Variants in DPP6 observed in about 807,000 individuals in gnomAD.
DPP6 encodes A-type potassium channel modulatory protein DPP6.
DPP6 carries 69 observed loss-of-function variants against 122.6 expected under a neutral mutation model. The observed-to-expected ratio is 0.56, with a 90% CI of 0.46 to 0.69. The LOEUF is 0.69. Ranked by LOEUF, DPP6 falls within the 30% of genes least tolerant of loss-of-function variation. DPP6 has a pLI of 0.00. For missense variants in DPP6, 928 were observed against 1,116.9 expected (o/e 0.83, Z 2.41); for synonymous variants, 418 against 433.1 (o/e 0.97, Z 0.43).
chr7:153,800,105 A>G, the DPP6 span, among the ~76,000 whole-genome samples: 7 of 152,318 alleles, frequency 4.6e-5, no homozygotes, highest in East Asian at 1.2e-3. Flanking sequence ...TGGTATGTCA[A>G]AGAGATATCT....
rs1378712968 is a variant in DPP6, at chr7:154,833,330, G to A, written c.1667-20450G>A. ...GTGTTTAAGAAAGACCATAAGGGCT[G>A]TAGGAAGCCAAGAAAAGGAGTGTTT... On this transcript the variant is annotated intron_variant, in intron 16 of 25. Transcript: ENST00000377770. The surrounding 1 kb of genome is among the most constrained non-coding windows in gnomAD (Gnocchi z 4.3). Among the ~76,000 whole-genome samples, 1 of 152,210 alleles carries A rather than the reference G, an allele frequency of 6.6e-6. No homozygotes were observed. Among genetic ancestry groups the A allele is most frequent in the African/African-American group, 2.4e-5 (1 of 41,470 alleles).
chr7:154,108,999 T>A (rs1234565670), intron 1 of DPP6, among the ~76,000 whole-genome samples: 1 of 152,228 alleles, frequency 6.6e-6, no homozygotes, highest in Admixed American at 6.5e-5. Context: ...TATGCAGGTT[T>A]GTTACATAGA....
intron 1 of DPP6, among the ~76,000 whole-genome samples, chr7:154,359,734 G>C (rs1315393527): frequency 6.6e-6 from 1 of 152,200 alleles, no homozygotes; most frequent in African/African-American, 2.4e-5. Context: ...TAATAGATGG[G>C]TGAGCATGGA....
At chr7:154,071,811 C>G (rs1803138052) in intron 1 of DPP6, among the ~76,000 whole-genome samples, 1 of 152,202 alleles carries the variant, frequency 6.6e-6, no homozygotes, top group South Asian at 2.1e-4. Flanking sequence ...ACACCGTTGT[C>G]TTACTGCTGG....
chr7:154,477,253 C>CCCA, intron 3 of DPP6, among the ~76,000 whole-genome samples: 1 of 144,828 alleles, frequency 6.9e-6, no homozygotes, highest in Middle Eastern at 3.8e-3. Context: ...ACCATGATCT[C>CCCA]CCACCACCAC....
At chr7:154,363,613 C>T (rs146385883) in intron 1 of DPP6, among the ~76,000 whole-genome samples, 159 of 152,232 alleles carry the variant, frequency 1.0e-3, no homozygotes, top group African/African-American at 3.7e-3. Flanking sequence ...TGAGCACGTG[C>T]GCGGAAAACC....
chr7:154,078,618 A>C (rs538402043), intron 1 of DPP6, among the ~76,000 whole-genome samples: 53 of 152,186 alleles, frequency 3.5e-4, no homozygotes, highest in Non-Finnish European at 6.2e-4. Context: ...AAACCACTGT[A>C]GGATATAAAT....
chr7:153,932,433 T>G (rs1195958910), intron 1 of DPP6, among the ~76,000 whole-genome samples: 1 of 152,044 alleles, frequency 6.6e-6, no homozygotes, highest in Non-Finnish European at 1.5e-5. Context: ...TATCATTTTG[T>G]TTATATGAAC....
intron 5 of DPP6, among the ~76,000 whole-genome samples, chr7:154,635,963 T>G (rs553089996): frequency 6.6e-6 from 1 of 152,180 alleles, no homozygotes; most frequent in African/African-American, 2.4e-5. Flanking sequence ...ATTCTGTTCA[T>G]GAGGGTCACT....
At chr7:154,046,498 G>T (rs1195236828) in intron 1 of DPP6, among the ~76,000 whole-genome samples, 1 of 152,204 alleles carries the variant, frequency 6.6e-6, no homozygotes, top group Admixed American at 6.5e-5. Context: ...AGAACTCAAA[G>T]ATGAGTGTTC....
chr7:153,964,426 T>A (rs1409033484), intron 1 of DPP6, among the ~76,000 whole-genome samples: 1 of 152,178 alleles, frequency 6.6e-6, no homozygotes, highest in Non-Finnish European at 1.5e-5. Context: ...CTGGAGACGC[T>A]ACCGCTTCAT....
chr7:153,941,602 C>G (rs887976341), intron 1 of DPP6, among the ~76,000 whole-genome samples: 25 of 152,240 alleles, frequency 1.6e-4, no homozygotes, highest in African/African-American at 6.0e-4. Flanking sequence ...CAGGAGGTGA[C>G]TGCATTTATC....
At chr7:154,063,122 G>T (rs1286381218) in intron 1 of DPP6, among the ~76,000 whole-genome samples, 1 of 131,610 alleles carries the variant, frequency 7.6e-6, no homozygotes, top group Non-Finnish European at 1.7e-5. Context: ...CGCAGGGGGG[G>T]AGGCACCCCC....
chr7:154,061,552 C>G (rs866073396), intron 1 of DPP6, among the ~76,000 whole-genome samples: 12,370 of 102,076 alleles, frequency 0.12, 88 homozygotes, highest in African/African-American at 0.25. Context: ...AACATAAAGG[C>G]CCCCCATTTT....
intron 7 of DPP6, among the ~76,000 whole-genome samples, chr7:154,686,185 C>T (rs973653214): frequency 2.6e-5 from 4 of 152,098 alleles, no homozygotes; most frequent in Admixed American, 6.5e-5. Context: ...TAATTTTCCC[C>T]GGGTCACATA....
At chr7:154,154,164 A>G (rs1380613848) in intron 1 of DPP6, among the ~76,000 whole-genome samples, 2 of 152,262 alleles carry the variant, frequency 1.3e-5, no homozygotes, top group East Asian at 1.9e-4. Context: ...TGTGGTAACT[A>G]TGACCAAGAA....
intron 1 of DPP6, among the ~76,000 whole-genome samples, chr7:154,329,449 G>A (rs1808725823): frequency 6.6e-6 from 1 of 152,202 alleles, no homozygotes; most frequent in Non-Finnish European, 1.5e-5. Flanking sequence ...TGGCTTATTT[G>A]TTATTAGAGA....
chr7:154,655,353 A>G (rs978653577), intron 6 of DPP6, among the ~76,000 whole-genome samples: 1 of 152,242 alleles, frequency 6.6e-6, no homozygotes, highest in Admixed American at 6.5e-5. Flanking sequence ...TTGCTCAAAT[A>G]AGCAAAATCA....
chr7:154,329,258 A>C (rs75847943), intron 1 of DPP6, among the ~76,000 whole-genome samples: 1 of 152,376 alleles, frequency 6.6e-6, no homozygotes, highest in African/African-American at 2.4e-5. Context: ...AGCTTTCAGC[A>C]ATGGTGGAAT....
Sources: allele counts gnomAD v4.1 joint callset (sites outside exome capture counted in the v4.1 genomes callset), GRCh38; gene constraint gnomAD v4.1.1; non-coding constraint Gnocchi (gnomAD v3.1); transcripts MANE v1.5; gene names NCBI Gene and HGNC (gene_info 2026-07-23, HGNC 2026-07-21).